Variants in PTPRN2 observed in about 807,000 individuals in gnomAD.
The protein encoded by PTPRN2 is receptor-type tyrosine-protein phosphatase N2.
In PTPRN2, 74 loss-of-function variants were observed where a neutral mutation model predicts 118.8. That is an observed-to-expected ratio of 0.62 (90% CI 0.52 to 0.76). PTPRN2 has a LOEUF of 0.76. Ranked by LOEUF, PTPRN2 falls within the 30% of genes least tolerant of loss-of-function variation. PTPRN2 has a pLI of 0.00. For synonymous variants in PTPRN2, 641 were observed against 608.0 expected, an observed-to-expected ratio of 1.05 and a Z score of -0.80; for missense variants, 1,481 against 1,394.4, an observed-to-expected ratio of 1.06 and a Z score of -0.99.
intron 3 of PTPRN2, among the ~76,000 whole-genome samples, chr7:158,269,710 G>A (rs558578660): frequency 1.3e-5 from 2 of 152,170 alleles, no homozygotes; most frequent in Admixed American, 1.3e-4. Context: ...TCAGCTGACG[G>A]CTGGGACCAA....
intron 9 of PTPRN2, among the ~76,000 whole-genome samples, chr7:158,128,804 G>A (rs1486214815): frequency 6.6e-6 from 1 of 152,132 alleles, no homozygotes; most frequent in Non-Finnish European, 1.5e-5. Context: ...CCCCGGGGCA[G>A]GGATGGGCGG....
chr7:157,668,586 C>A (rs762055173), intron 13 of PTPRN2, among the ~76,000 whole-genome samples: 1 of 152,346 alleles, frequency 6.6e-6, no homozygotes, highest in African/African-American at 2.4e-5. Context: ...CCAGACTGGA[C>A]GTGGCACCAA....
At chr7:158,166,262 T>C (rs12532664) in intron 6 of PTPRN2, among the ~76,000 whole-genome samples, 11,589 of 20,832 alleles carry the variant, frequency 0.56, 3,657 homozygotes, top group African/African-American at 0.75. Context: ...TCCCCCTGGC[T>C]GCCGCGTTCC....
At chr7:157,753,327 C>T (rs1049797122) in intron 12 of PTPRN2, among the ~76,000 whole-genome samples, 6 of 152,152 alleles carry the variant, frequency 3.9e-5, no homozygotes, top group Admixed American at 6.5e-5. Context: ...GGGTGTGGTT[C>T]CCACAGACCC....
Position 158,192,378 on chromosome 7 carries a change from G to C in PTPRN2, c.498C>G (p.Ala166=), listed in dbSNP as rs1203478399. 4 of 1,528,082 alleles carry C rather than the reference G, an allele frequency of 2.6e-6. No individual in the cohort carries two copies. The highest frequency in any genetic ancestry group is 1.5e-5 in the African/African-American group (1 of 68,802). 94.7% of individuals were successfully genotyped at this position (1,528,082 alleles called of 1,614,324 possible). A position where few individuals can be genotyped will look rare whatever the true frequency, so the allele number is the denominator to read the frequency against. The change falls in exon 5 of 23, where the codon GCC becomes GCG. Residue 166 remains alanine (A), a synonymous_variant. Coordinates refer to ENST00000389418, the MANE Select transcript of PTPRN2 (RefSeq NM_002847.5). The part of the protein sequence containing the change: ...PFLEALSQAP[A]SDVLARTHTA... The stretch of plus-strand genomic sequence containing the variant: ...TATGGGTCCTGGCGAGCACGTCTGA[G>C]GCTGGGGCCTGGGACAGGGCCTCCA...
chr7:158,343,496 C>T (rs763834539), intron 2 of PTPRN2, among the ~76,000 whole-genome samples: 2 of 152,216 alleles, frequency 1.3e-5, no homozygotes, highest in Non-Finnish European at 2.9e-5. Flanking sequence ...GTGGAAAGCA[C>T]ACGGGAAAAG....
chr7:157,826,741 TG>T (rs1807199256), intron 12 of PTPRN2, among the ~76,000 whole-genome samples: 1 of 152,100 alleles, frequency 6.6e-6, no homozygotes, highest in Admixed American at 6.5e-5. Context: ...CAGGAGCAAG[TG>T]GGAGTCCTGA....
At chr7:158,471,712 A>C (rs540743610) in intron 2 of PTPRN2, among the ~76,000 whole-genome samples, 2 of 149,694 alleles carry the variant, frequency 1.3e-5, no homozygotes, top group Admixed American at 1.3e-4. Context: ...AAACAAACAA[A>C]AAAAAAACCT....
chr7:158,554,829 C>T (rs1373243075), intron 1 of PTPRN2, among the ~76,000 whole-genome samples: 3 of 152,084 alleles, frequency 2.0e-5, no homozygotes, highest in Non-Finnish European at 2.9e-5. Context: ...TCTGGAATGC[C>T]GCACATAGCC....
intron 5 of PTPRN2, among the ~76,000 whole-genome samples, chr7:158,181,510 T>C (rs1313540129): frequency 1.3e-5 from 2 of 152,234 alleles, no homozygotes; most frequent in East Asian, 3.8e-4. Context: ...TTCAGTAGAA[T>C]TGGTACCAAT....
At chr7:158,047,004 G>A (rs1457814152) in intron 11 of PTPRN2, among the ~76,000 whole-genome samples, 5 of 152,296 alleles carry the variant, frequency 3.3e-5, no homozygotes, top group South Asian at 2.1e-4. Flanking sequence ...GGAGGCGAGC[G>A]GCTGCGAGGG....
intron 2 of PTPRN2, among the ~76,000 whole-genome samples, chr7:158,387,083 G>A (rs949285074): frequency 2.6e-5 from 4 of 152,080 alleles, no homozygotes; most frequent in Admixed American, 1.3e-4. Context: ...TCTAGAACAC[G>A]GGAGGCTCTG....
At chr7:158,246,385 G>A (rs886904993) in intron 3 of PTPRN2, among the ~76,000 whole-genome samples, 1 of 151,284 alleles carries the variant, frequency 6.6e-6, no homozygotes, top group African/African-American at 2.4e-5. Context: ...ATTTGGAGTC[G>A]AGACGCGTCT....
At chr7:157,828,977 C>T (rs56224728) in intron 12 of PTPRN2, among the ~76,000 whole-genome samples, 5,246 of 152,222 alleles carry the variant, frequency 0.034, 238 homozygotes, top group East Asian at 0.21. Flanking sequence ...TTATAATTTT[C>T]TAAGGGAAAT....
At chr7:158,268,040 TC>T (rs1476182078) in intron 3 of PTPRN2, among the ~76,000 whole-genome samples, 3 of 152,186 alleles carry the variant, frequency 2.0e-5, no homozygotes, top group African/African-American at 7.2e-5. Flanking sequence ...TGTTTCACCC[TC>T]GTGGTGTGAC....
intron 11 of PTPRN2, among the ~76,000 whole-genome samples, chr7:157,932,613 A>G (rs1448043513): frequency 6.7e-6 from 1 of 149,726 alleles, no homozygotes; most frequent in Non-Finnish European, 1.5e-5. Flanking sequence ...TCACTCTGAC[A>G]GTTTTACAGT....
At position 158,048,582 on chromosome 7, in the gene PTPRN2, TATC is replaced by T. The variant is rs375749885; in HGVS notation, c.1723+32713_1723+32715del. 7.6e-3 allele frequency among the ~76,000 whole-genome samples: 1,136 copies of T among 148,724 alleles called. 11 individuals are homozygous for T. Among genetic ancestry groups the T allele is most frequent in the African/African-American group, 0.025 (1,024 of 40,394 alleles). On this transcript the variant is annotated intron_variant, in intron 11 of 22. Transcript: ENST00000389418. ...TCACCATCACTATCATCATCATCAC[TATC>T]ATCATCATCACTATCATCATCAATC...
At chr7:157,871,940 C>T (rs1262483264) in intron 12 of PTPRN2, among the ~76,000 whole-genome samples, 2 of 150,172 alleles carry the variant, frequency 1.3e-5, no homozygotes, top group Non-Finnish European at 3.0e-5. Context: ...ATACCCAGCA[C>T]TTTCCCACAC....
chr7:158,290,020 A>G (rs1800011513), intron 3 of PTPRN2, among the ~76,000 whole-genome samples: 1 of 152,144 alleles, frequency 6.6e-6, no homozygotes, highest in Non-Finnish European at 1.5e-5. Context: ...GCATCCGTTA[A>G]GGCAGGACTG....
Sources: allele counts gnomAD v4.1 joint callset (sites outside exome capture counted in the v4.1 genomes callset), GRCh38; gene constraint gnomAD v4.1.1; transcripts MANE v1.5; gene names NCBI Gene and HGNC (gene_info 2026-07-23, HGNC 2026-07-21).